Variants in GLIS3 observed in about 807,000 individuals in gnomAD.
The protein encoded by GLIS3 is GLIS family zinc finger 3, also known as zinc finger protein GLIS3.
Under a neutral mutation model 78.6 loss-of-function variants are expected in GLIS3, and 53 were observed. That is an observed-to-expected ratio of 0.67 (90% confidence interval 0.54 to 0.85). GLIS3 has a LOEUF of 0.85. GLIS3 is among the 40% of genes least tolerant of loss of function. GLIS3 has a pLI of 0.00. For missense variants in GLIS3, 1,703 were observed against 1,231.1 expected, an observed-to-expected ratio of 1.38 and a Z score of -5.74; for synonymous variants, 684 against 509.9, an observed-to-expected ratio of 1.34 and a Z score of -4.60.
intron 2 of GLIS3, among the ~76,000 whole-genome samples, chr9:4,334,157 G>A (rs1817721779): frequency 6.6e-6 from 1 of 152,134 alleles, no homozygotes; most frequent in Non-Finnish European, 1.5e-5. Context: ...CCAAATTTAG[G>A]TAATAGGAAT....
rs570681629 is a variant in GLIS3, at chr9:4,051,054, G to A, written c.1710+66714C>T. ...TTACTACTAAGGCACATGTTTCAGA[G>A]GACTGTCTGAAAGCATCCATTGATA... On this transcript the variant is annotated intron_variant, in intron 4 of 10. Coordinates refer to ENST00000381971, the MANE Select transcript of GLIS3 (RefSeq NM_001042413.2). 2.0e-5 allele frequency among the ~76,000 whole-genome samples: 3 copies of A among 152,286 alleles called. No homozygotes were observed. The South Asian group carries it at 6.2e-4, about 32-fold the overall frequency.
chr9:3,902,087 G>A (rs1308582630), intron 6 of GLIS3, among the ~76,000 whole-genome samples: 1 of 152,206 alleles, frequency 6.6e-6, no homozygotes, highest in East Asian at 1.9e-4. Context: ...TGGCATCAAA[G>A]ACGGGCAATT....
chr9:3,926,671 G>A (rs1048147386), intron 6 of GLIS3, among the ~76,000 whole-genome samples: 2 of 151,186 alleles, frequency 1.3e-5, no homozygotes, highest in African/African-American at 4.9e-5. Context: ...AGGCTGGAGT[G>A]CAGTGGCATG....
intron 4 of GLIS3, among the ~76,000 whole-genome samples, chr9:4,108,068 A>G (rs1314283261): frequency 6.6e-6 from 1 of 152,194 alleles, no homozygotes; most frequent in African/African-American, 2.4e-5. Flanking sequence ...TGTAGTAGGA[A>G]GAAGAGAGTC....
At chr9:3,895,089 C>A (rs1276271609) in intron 7 of GLIS3, among the ~76,000 whole-genome samples, 1 of 152,198 alleles carries the variant, frequency 6.6e-6, no homozygotes. Context: ...GGACTCCCTG[C>A]CAAGACCAGG....
intron 4 of GLIS3, among the ~76,000 whole-genome samples, chr9:3,973,148 T>C (rs1563908397): frequency 6.6e-6 from 1 of 152,174 alleles, no homozygotes; most frequent in Non-Finnish European, 1.5e-5. Context: ...ATAGGGCAAG[T>C]CTGCTAGGGT....
chr9:4,164,023 T>A (rs1266166331), intron 2 of GLIS3, among the ~76,000 whole-genome samples: 1 of 152,236 alleles, frequency 6.6e-6, no homozygotes, highest in Non-Finnish European at 1.5e-5. Flanking sequence ...TATTTCATAA[T>A]CTACTTTATT....
intron 7 of GLIS3, among the ~76,000 whole-genome samples, chr9:3,881,005 C>T (rs10973998): frequency 1.2e-3 from 186 of 152,170 alleles, no homozygotes; most frequent in Middle Eastern, 6.8e-3. Flanking sequence ...CTGTTGTGTG[C>T]GTCAGCTTCC....
the GLIS3 span, among the ~76,000 whole-genome samples, chr9:4,457,531 C>T: frequency 6.6e-6 from 1 of 151,830 alleles, no homozygotes; most frequent in Non-Finnish European, 1.5e-5. Flanking sequence ...ATCTTTGGGC[C>T]CTGTAATCAA....
chr9:4,356,108 T>G, the GLIS3 span, among the ~76,000 whole-genome samples: 1 of 152,234 alleles, frequency 6.6e-6, no homozygotes, highest in African/African-American at 2.4e-5. Flanking sequence ...AAGTCGACTC[T>G]CTTTGCTTTA....
intron 4 of GLIS3, among the ~76,000 whole-genome samples, chr9:4,093,833 T>C (rs1466594408): frequency 1.3e-5 from 2 of 152,216 alleles, no homozygotes; most frequent in East Asian, 1.9e-4. Context: ...ATGTATTCTT[T>C]GGCTATGACA....
chr9:4,407,398 C>A, the GLIS3 span, among the ~76,000 whole-genome samples: 206 of 152,356 alleles, frequency 1.4e-3, 1 homozygote, highest in Middle Eastern at 6.8e-3. Flanking sequence ...GTAATCCCAG[C>A]ACTTCGGGAG....
At chr9:4,060,639 C>A (rs1023230862) in intron 4 of GLIS3, among the ~76,000 whole-genome samples, 3 of 152,102 alleles carry the variant, frequency 2.0e-5, no homozygotes, top group Admixed American at 6.6e-5. Flanking sequence ...CCAGGTGATA[C>A]CCTGTGTGCC....
At chr9:3,947,778 T>A (rs1816400051) in intron 4 of GLIS3, among the ~76,000 whole-genome samples, 2 of 152,150 alleles carry the variant, frequency 1.3e-5, no homozygotes, top group South Asian at 2.1e-4. Flanking sequence ...GATTAAAAAA[T>A]TATATCTTAA....
At chr9:4,145,373 T>C (rs1404648214) in intron 2 of GLIS3, among the ~76,000 whole-genome samples, 3 of 152,238 alleles carry the variant, frequency 2.0e-5, no homozygotes, top group South Asian at 2.1e-4. Context: ...GGTGGTTCAA[T>C]TGTGTGTGTT....
chr9:4,062,694 G>A (rs1247714644), intron 4 of GLIS3, among the ~76,000 whole-genome samples: 4 of 152,324 alleles, frequency 2.6e-5, no homozygotes, highest in South Asian at 2.1e-4. Flanking sequence ...TCGGGAGGCC[G>A]AGGCGGGCGG....
At chr9:4,341,032 G>A (rs1054457167) in intron 2 of GLIS3, among the ~76,000 whole-genome samples, 1 of 152,176 alleles carries the variant, frequency 6.6e-6, no homozygotes, top group Non-Finnish European at 1.5e-5. Context: ...TGACATCCTT[G>A]AATAGCCTCT....
chr9:4,253,567 G>C (rs372523465), intron 2 of GLIS3, among the ~76,000 whole-genome samples: 2 of 152,228 alleles, frequency 1.3e-5, no homozygotes, highest in Non-Finnish European at 2.9e-5. Context: ...GATCCGCTGA[G>C]CTAGACCACT....
At chr9:4,083,758 G>T (rs528604774) in intron 4 of GLIS3, among the ~76,000 whole-genome samples, 1 of 152,310 alleles carries the variant, frequency 6.6e-6, no homozygotes, top group Non-Finnish European at 1.5e-5. Flanking sequence ...TGCAGAAAGT[G>T]CAAGGAGAGC....
Sources: gnomAD v4.1 joint callset for allele counts (sites outside exome capture counted in the v4.1 genomes callset) on GRCh38, gnomAD v4.1.1 for gene constraint, MANE v1.5 for transcripts, NCBI Gene and HGNC (gene_info 2026-07-23, HGNC 2026-07-21) for gene names.